Variants in RXRA observed in about 807,000 individuals in gnomAD.
RXRA encodes retinoid X receptor alpha.
Under a neutral mutation model 44.5 loss-of-function variants are expected in RXRA, and 5 were observed. That is an observed-to-expected ratio of 0.11 (90% CI 0.06 to 0.24). The LOEUF (loss-of-function observed/expected upper bound fraction) is 0.24, where lower values mean the gene tolerates loss of function less well. RXRA is among the 10% of genes least tolerant of loss of function. RXRA has a pLI of 1.00. For synonymous variants in RXRA, 291 were observed against 271.4 expected (o/e 1.07, Z -0.71); for missense variants, 412 against 646.5 (o/e 0.64, Z 3.93).
intron 6 of RXRA, chr9:134,425,578 GA>G (rs1316910750): frequency 3.3e-6 from 1 of 298,838 alleles, no homozygotes; most frequent in Admixed American, 9.6e-5. Flanking sequence ...GGGGTGGGGG[GA>G]ATGGAAGTGG....
chr9:134,408,102 AC>A, intron 2 of RXRA, 46 bp from the exon 3 acceptor site: 1 of 1,464,906 alleles, frequency 6.8e-7, no homozygotes, highest in Non-Finnish European at 9.1e-7. Flanking sequence ...GGACATAGGG[AC>A]AAACCTGGTG....
chr9:134,334,662 C>T (rs1205875127), intron 1 of RXRA, among the ~76,000 whole-genome samples: 2 of 152,228 alleles, frequency 1.3e-5, no homozygotes, highest in Non-Finnish European at 1.5e-5. Flanking sequence ...CTGGGGCCCT[C>T]TGGCTGTCAA....
intron 1 of RXRA, among the ~76,000 whole-genome samples, chr9:134,351,692 TA>T (rs1479855869): frequency 1.3e-5 from 2 of 152,250 alleles, no homozygotes; most frequent in African/African-American, 4.8e-5. Flanking sequence ...CATTGCTGGT[TA>T]AAATGCCGTT....
chr9:134,417,368 C>T lies in RXRA; in HGVS notation c.780+41C>T. 6.3e-7 allele frequency: 1 copy of T among 1,595,000 alleles called. No individual in the cohort carries two copies. ...TGCAGGGGTGGGCAGCCTCACATGC[C>T]TCAGTTTCCCTCACTCACTCACCCT... On this transcript the variant is annotated intron_variant, in intron 5 of 9. Coordinates refer to ENST00000481739, the MANE Select transcript of RXRA (RefSeq NM_002957.6). The surrounding 1 kb of genome is among the most constrained non-coding windows in gnomAD (Gnocchi z 6.1).
At chr9:134,419,607 C>T (rs952351211) in intron 5 of RXRA, among the ~76,000 whole-genome samples, 1 of 152,238 alleles carries the variant, frequency 6.6e-6, no homozygotes, top group African/African-American at 2.4e-5. Flanking sequence ...CCTGGTTTCT[C>T]CCCAGCGCGG....
chr9:134,408,141 C>G lies in RXRA; in HGVS notation c.280-8C>G. 6.5e-7 allele frequency: 1 copy of G among 1,532,904 alleles called. No homozygotes were observed. The highest frequency in any genetic ancestry group is 2.3e-5 in the East Asian group (1 of 42,778). The allele number at this position is 1,532,904 out of a possible 1,614,324, so 95.0% of individuals were successfully genotyped here. A position where few individuals can be genotyped will look rare whatever the true frequency, so the allele number is the denominator to read the frequency against. ...CACCCCGCTGACTGCTGTGGTTGCCCCCCCCAGCTCAGCTCACCTATGAAC... is the reference window on the plus strand; with the variant it reads ...CACCCCGCTGACTGCTGTGGTTGCCGCCCCCAGCTCAGCTCACCTATGAAC... On this transcript the variant is annotated splice_polypyrimidine_tract_variant and splice_region_variant and intron_variant, in intron 2 of 9. Coordinates refer to ENST00000481739, the MANE Select transcript of RXRA (RefSeq NM_002957.6).
chr9:134,348,211 C>A (rs1554749059), intron 1 of RXRA, among the ~76,000 whole-genome samples: 1 of 152,184 alleles, frequency 6.6e-6, no homozygotes, highest in Admixed American at 6.5e-5. Context: ...GTTACAAGAG[C>A]AGTGTGCATT....
At position 134,433,567 on chromosome 9, in the gene RXRA, T is replaced by TCAC. The variant is rs1306602081; in HGVS notation, c.1136-535_1136-534insCAC. ...AGGGGGTCCCTGGGCCTTGGAGGTT[T>TCAC]TGGTGGCTGCAATCTTAGCCTCTCT... is the stretch of plus-strand genomic sequence containing the variant. On this transcript the variant is annotated intron_variant, in intron 8 of 9. Transcript: ENST00000481739. The surrounding 1 kb of genome is among the most constrained non-coding windows in gnomAD (Gnocchi z 4.2). Among the ~76,000 whole-genome samples the TCAC allele has an allele frequency of 5.5e-5, 8 of 146,752 alleles. No individual in the cohort carries two copies. Among genetic ancestry groups the TCAC allele is most frequent in the African/African-American group, 1.6e-4 (6 of 36,682 alleles).
intron 1 of RXRA, chr9:134,379,704 C>T (rs908500077): frequency 1.0e-6 from 1 of 985,300 alleles, no homozygotes; most frequent in Non-Finnish European, 1.2e-6. Context: ...GATGAGAAAA[C>T]CTGAGGCCCA....
chr9:134,415,902 T>C (rs528940532), intron 4 of RXRA, among the ~76,000 whole-genome samples: 1 of 152,286 alleles, frequency 6.6e-6, no homozygotes, highest in Non-Finnish European at 1.5e-5. Context: ...GGCTCTGCGG[T>C]TTACTCACTT....
At chr9:134,396,774 C>G (rs1025653850) in intron 1 of RXRA, among the ~76,000 whole-genome samples, 3 of 152,204 alleles carry the variant, frequency 2.0e-5, no homozygotes, top group Non-Finnish European at 2.9e-5. Context: ...CCTGGGGCGC[C>G]AGATTGGATG....
chr9:134,351,241 C>A (rs1830217958), intron 1 of RXRA, among the ~76,000 whole-genome samples: 1 of 152,210 alleles, frequency 6.6e-6, no homozygotes, highest in Non-Finnish European at 1.5e-5. Context: ...GGCGGGAAAT[C>A]ACAGGAGGCC....
Position 134,429,031 on chromosome 9 carries a change from G to A in RXRA, c.911-77G>A, listed in dbSNP as rs1831483914. ...GTCGGTGACATGCTGCCTCTGTAGG[G>A]TCCCACCAGGGGCTGGGGAAGGGGC... On this transcript the variant is annotated intron_variant, in intron 6 of 9. Transcript: ENST00000481739. The A allele has an allele frequency of 2.6e-6, 4 of 1,567,468 alleles. No homozygotes were observed. In the East Asian group the frequency reaches 6.7e-5, roughly 26 times the overall value.
At chr9:134,380,216 G>GC in intron 1 of RXRA, 1 of 980,018 alleles carries the variant, frequency 1.0e-6, no homozygotes, top group Non-Finnish European at 1.2e-6. Flanking sequence ...TGGCGTGCCG[G>GC]CCCCGTGAGT....
chr9:134,429,032 T>C, intron 6 of RXRA, 76 bp from the exon 7 acceptor site: 1 of 1,564,262 alleles, frequency 6.4e-7, no homozygotes, highest in Middle Eastern at 1.7e-4. Context: ...CTCTGTAGGG[T>C]CCCACCAGGG....
rs765065128 is a variant in RXRA, at chr9:134,422,269, G to A, written c.910+464G>A. On this transcript the variant is annotated intron_variant, in intron 6 of 9. Coordinates refer to ENST00000481739, the MANE Select transcript of RXRA (RefSeq NM_002957.6). ...GCTCCCATCTCCCAGGACGCTCCCC[G>A]CTCCCAGGACACACTCCTACTTCCT... 7.7e-5 allele frequency: 95 copies of A among 1,225,940 alleles called. No individual in the cohort carries two copies. In the African/African-American group the frequency reaches 1.0e-3, roughly 13 times the overall value. The allele number at this position is 1,225,940 out of a possible 1,614,324, so 75.9% of individuals were successfully genotyped here.
At chr9:134,401,560 G>A (rs1222398713) in intron 1 of RXRA, 72 bp from the exon 2 acceptor site, 2 of 1,600,128 alleles carry the variant, frequency 1.2e-6, no homozygotes, top group East Asian at 2.2e-5. Flanking sequence ...TCTGTAGCTG[G>A]GGGGAGCAGG....
intron 1 of RXRA, among the ~76,000 whole-genome samples, chr9:134,348,221 T>C (rs1830178270): frequency 6.6e-6 from 1 of 152,118 alleles, no homozygotes; most frequent in Non-Finnish European, 1.5e-5. Context: ...CAGTGTGCAT[T>C]GAATGCCAGA....
rs190639170 is a variant in RXRA, at chr9:134,384,225, G to C, written c.29-17407G>C. Among the ~76,000 whole-genome samples the C allele has an allele frequency of 3.6e-3, 541 of 152,164 alleles. 5 individuals are homozygous for C. Among genetic ancestry groups the C allele is most frequent in the African/African-American group, 0.012 (519 of 41,530 alleles). ...CCTGGACCCTCCATACTGTCACCCC[G>C]GCGGGGAGTCCTCAACCCTCTTCAG... On this transcript the variant is annotated intron_variant, in intron 1 of 9. Transcript: ENST00000481739.
Sources: gnomAD v4.1 joint callset for allele counts (sites outside exome capture counted in the v4.1 genomes callset) on GRCh38, gnomAD v4.1.1 for gene constraint, Gnocchi (gnomAD v3.1) non-coding constraint, MANE v1.5 for transcripts, NCBI Gene and HGNC (gene_info 2026-07-23, HGNC 2026-07-21) for gene names.